The following RYR2 variants were observed in gnomAD, a reference collection of about 807,000 sequenced individuals.
RYR2 encodes the protein cardiac muscle ryanodine receptor-calcium release channel.
RYR2 carries 227 observed loss-of-function variants against 601.1 expected under a neutral mutation model. The observed-to-expected ratio is 0.38, with a 90% CI of 0.34 to 0.42. The LOEUF (loss-of-function observed/expected upper bound fraction) is 0.42, where lower values mean the gene tolerates loss of function less well. RYR2 is among the 10% of genes least tolerant of loss of function. The pLI is 1.00. For missense variants in RYR2, 4,646 were observed against 6,156.5 expected, an observed-to-expected ratio of 0.75 and a Z score of 8.21; for synonymous variants, 2,223 against 2,175.1, an observed-to-expected ratio of 1.02 and a Z score of -0.61.
Position 237,530,184 on chromosome 1 carries a change from A to G in RYR2, c.2823-243A>G, listed in dbSNP as rs148894607. On this transcript the variant is annotated intron_variant, in intron 24 of 104. Transcript: ENST00000366574. ...AAATTAGCCGGGTGTGGTGGCGGGC[A>G]CCTGTAGTCCTGGCTACTTGGGAGG... Among the ~76,000 whole-genome samples, 2,210 of 151,996 alleles carry G rather than the reference A, an allele frequency of 0.015. 29 individuals carry two copies. The highest frequency in any genetic ancestry group is 0.048 in the Middle Eastern group (14 of 294).
At chr1:237,773,434 TCTC>T in intron 86 of RYR2, 83 bp from the exon 87 acceptor site, 1 of 855,202 alleles carries the variant, frequency 1.2e-6, no homozygotes, top group South Asian at 1.7e-5. Context: ...TTAAAATACT[TCTC>T]AGGCATAAAG....
At chr1:237,626,393 C>T (rs1679649390) in intron 40 of RYR2, among the ~76,000 whole-genome samples, 1 of 151,668 alleles carries the variant, frequency 6.6e-6, no homozygotes, top group Non-Finnish European at 1.5e-5. Context: ...TAATAGCTTT[C>T]CCTGAAATAA....
chr1:237,566,759 C>T lies in RYR2; in HGVS notation c.3407C>T (p.Ala1136Val), dbSNP rs72549415. Residue 1136 changes from alanine (A) to valine (V), a missense_variant, in exon 28 of 105, where the codon GCC becomes GTC. Coordinates refer to ENST00000366574, the MANE Select transcript of RYR2 (RefSeq NM_001035.3). Reference sequence around the variant, plus strand: ...CTTGGCTCAGATGAACGTGCCTTTGCCTTTGATGGCTTCAAGGTGAGTGGA... The same window carrying T: ...CTTGGCTCAGATGAACGTGCCTTTGTCTTTGATGGCTTCAAGGTGAGTGGA... ...QELGSDERAF[A>V]FDGFKAQRWH... 16,075 of 1,613,936 alleles carry T rather than the reference C, an allele frequency of 1.0e-2. 128 individuals carry two copies. The highest frequency in any genetic ancestry group is 0.012 in the Non-Finnish European group (14,733 of 1,179,858).
chr1:237,462,046 G>T lies in RYR2; in HGVS notation c.1612+5311G>T, dbSNP rs183664299. Among the ~76,000 whole-genome samples the T allele has an allele frequency of 1.1e-4, 16 of 152,244 alleles. No homozygotes were observed. In the East Asian group the frequency reaches 2.1e-3, roughly 20 times the overall value. On this transcript the variant is annotated intron_variant, in intron 16 of 104. Transcript: ENST00000366574. ...TATACCTAAATATATACTTCAGTTT[G>T]TCTGGAAAAGTCTCAGATCTGCAGC...
Position 237,832,548 on chromosome 1 carries a change from G to T in RYR2, c.14809-4G>T. 1 of 1,593,720 alleles carries T rather than the reference G, an allele frequency of 6.3e-7. No individual in the cohort carries two copies. Among genetic ancestry groups the T allele is most frequent in the Non-Finnish European group, 8.6e-7 (1 of 1,164,082 alleles). ...ATGTTAATACATTTCCTTGACTTTT[G>T]CAGGAATCTTATGTCTGGAAGATGT... On this transcript the variant is annotated splice_region_variant and splice_polypyrimidine_tract_variant and intron_variant, in intron 104 of 104. Transcript: ENST00000366574.
intron 88 of RYR2, among the ~76,000 whole-genome samples, chr1:237,780,408 C>T (rs1262684712): frequency 6.6e-6 from 1 of 152,216 alleles, no homozygotes; most frequent in Non-Finnish European, 1.5e-5. Context: ...CTACCTAGCA[C>T]TTGTTCATGG....
chr1:237,168,213 C>T (rs1341190117), intron 1 of RYR2, among the ~76,000 whole-genome samples: 2 of 151,916 alleles, frequency 1.3e-5, no homozygotes, highest in Non-Finnish European at 2.9e-5. Context: ...GGCTTCATTC[C>T]ATGTCAGTGT....
chr1:237,382,423 A>C (rs929582560), intron 8 of RYR2, among the ~76,000 whole-genome samples: 13 of 152,190 alleles, frequency 8.5e-5, no homozygotes, highest in African/African-American at 2.6e-4. Flanking sequence ...CATGTGCACA[A>C]CGTGCAGGAT....
At chr1:237,423,287 C>T (rs1382420448) in intron 12 of RYR2, 39 bp downstream of exon 12, 1 of 1,591,064 alleles carries the variant, frequency 6.3e-7, no homozygotes, top group South Asian at 1.1e-5. Flanking sequence ...ATAAATGTTA[C>T]CCGGTCATAT....
chr1:237,398,287 AGT>A (rs1338524692), intron 10 of RYR2, among the ~76,000 whole-genome samples: 1 of 152,166 alleles, frequency 6.6e-6, no homozygotes, highest in African/African-American at 2.4e-5. Flanking sequence ...AACAGGAGAA[AGT>A]GTGTTTTGCT....
chr1:237,818,076 G>C lies in RYR2; in HGVS notation c.14434-960G>C, dbSNP rs866077660. ...GGGGAGAGCGGAGAGAGCAGAGAGG[G>C]AAGTTTTTGGGAAAGCTGAGTGTGG... On this transcript the variant is annotated intron_variant, in intron 100 of 104. Transcript: ENST00000366574. Among the ~76,000 whole-genome samples the C allele has an allele frequency of 5.3e-5, 8 of 152,300 alleles. No individual in the cohort carries two copies. The South Asian group carries it at 1.7e-3, about 32-fold the overall frequency.
intron 1 of RYR2, among the ~76,000 whole-genome samples, chr1:237,065,075 G>T: frequency 6.6e-6 from 1 of 151,922 alleles, no homozygotes; most frequent in South Asian, 2.1e-4. Context: ...GTCACAGAAA[G>T]CTGATACTCT....
chr1:237,764,312 A>G (rs914417698), intron 84 of RYR2, among the ~76,000 whole-genome samples: 1 of 150,860 alleles, frequency 6.6e-6, no homozygotes, highest in Non-Finnish European at 1.5e-5. Flanking sequence ...CCACTGTTTA[A>G]TTTACAGATC....
In RYR2 at chr1:237,623,760, T is replaced by C. The variant is rs758864696; in HGVS notation, c.5917-5T>C. 6.3e-7 allele frequency: 1 copy of C among 1,582,294 alleles called. No homozygotes were observed. The highest frequency in any genetic ancestry group is 1.7e-5 in the Admixed American group (1 of 58,760). ...CTTCCTCTTTCTTGTTTTTCAAACTTTCAGATCAATATGCTTCTCAATTTT... is the reference window on the plus strand; with the variant it reads ...CTTCCTCTTTCTTGTTTTTCAAACTCTCAGATCAATATGCTTCTCAATTTT... On this transcript the variant is annotated splice_region_variant and splice_polypyrimidine_tract_variant and intron_variant, in intron 38 of 104. Coordinates refer to ENST00000366574, the MANE Select transcript of RYR2 (RefSeq NM_001035.3).
intron 63 of RYR2, among the ~76,000 whole-genome samples, chr1:237,694,352 C>T (rs1050620138): frequency 2.0e-5 from 3 of 150,822 alleles, no homozygotes. Flanking sequence ...CAGATAGAAG[C>T]ATATTTGAGG....
intron 80 of RYR2, chr1:237,755,100 C>A: frequency 7.8e-7 from 1 of 1,288,620 alleles, no homozygotes; most frequent in Non-Finnish European, 1.0e-6. Flanking sequence ...ATTTGCCAGC[C>A]TCGGCGAGAA....
chr1:237,085,019 T>A (rs1287613401), intron 1 of RYR2, among the ~76,000 whole-genome samples: 2 of 152,250 alleles, frequency 1.3e-5, no homozygotes, highest in Admixed American at 1.3e-4. Context: ...TTTCTTATTT[T>A]AAAAGTAGGT....
intron 2 of RYR2, among the ~76,000 whole-genome samples, chr1:237,308,948 C>A (rs1268124512): frequency 6.6e-6 from 1 of 152,236 alleles, no homozygotes; most frequent in Non-Finnish European, 1.5e-5. Flanking sequence ...CGTTTAGAAT[C>A]CCTGAGTTAG....
At chr1:237,420,461 T>C (rs962556273) in intron 11 of RYR2, among the ~76,000 whole-genome samples, 1 of 152,216 alleles carries the variant, frequency 6.6e-6, no homozygotes. Context: ...GAAATTGCTT[T>C]ATAAAACTCC....
Sources: allele counts gnomAD v4.1 joint callset (sites outside exome capture counted in the v4.1 genomes callset), GRCh38; gene constraint gnomAD v4.1.1; transcripts MANE v1.5; gene names NCBI Gene and HGNC (gene_info 2026-07-23, HGNC 2026-07-21).